Variants in EXD3 observed in about 807,000 individuals in gnomAD.
EXD3 encodes exonuclease 3'-5' domain containing 3, also known as exonuclease mut-7 homolog.
Under a neutral mutation model 98.0 loss-of-function variants are expected in EXD3, and 92 were observed. That is an observed-to-expected ratio of 0.94 (90% CI 0.79 to 1.12). The LOEUF is 1.12. Among genes scored for constraint, EXD3 ranks in the 50% most tolerant of loss-of-function variants. The pLI, the probability that EXD3 is intolerant of heterozygous loss-of-function variation, is 0.00. For missense variants in EXD3, 1,222 were observed against 1,191.6 expected, an observed-to-expected ratio of 1.03 and a Z score of -0.38; for synonymous variants, 569 against 526.0, an observed-to-expected ratio of 1.08 and a Z score of -1.12.
rs1375967904 is a variant in EXD3, at chr9:137,403,940, G to C, written c.-47-8536C>G. Among the ~76,000 whole-genome samples the C allele has an allele frequency of 6.6e-6, 1 of 152,046 alleles. No homozygotes were observed. Among genetic ancestry groups the C allele is most frequent in the African/African-American group, 2.4e-5 (1 of 41,394 alleles). On this transcript the variant is annotated intron_variant, in intron 1 of 21. Coordinates refer to ENST00000340951, the MANE Select transcript of EXD3 (RefSeq NM_017820.5). The surrounding 1 kb of genome is among the most constrained non-coding windows in gnomAD (Gnocchi z 6.1). ...GCATAGACCCCGAAGGATGTGGAGT[G>C]TCCTCCAGGGCCGTACAAAGCACCA...
At chr9:137,311,561 G>A (rs554957963) in intron 19 of EXD3, among the ~76,000 whole-genome samples, 5 of 152,352 alleles carry the variant, frequency 3.3e-5, no homozygotes, top group East Asian at 1.9e-4. Flanking sequence ...CAGCCAGCTC[G>A]TGCTGAGTCA....
At chr9:137,373,202 C>T in intron 4 of EXD3, 130 bp from the exon 5 acceptor site, 2 of 1,232,400 alleles carry the variant, frequency 1.6e-6, no homozygotes, top group Non-Finnish European at 1.1e-6. Flanking sequence ...GGGTGGTCTG[C>T]AGGGCTGGGG....
chr9:137,328,662 CT>C (rs1588263400), intron 17 of EXD3, among the ~76,000 whole-genome samples: 1 of 50,832 alleles, frequency 2.0e-5, no homozygotes, highest in Admixed American at 1.9e-4. Flanking sequence ...CTACACGGGA[CT>C]ACACGGGACT....
At chr9:137,420,127 T>C (rs1311230155) in intron 1 of EXD3, among the ~76,000 whole-genome samples, 1 of 151,560 alleles carries the variant, frequency 6.6e-6, no homozygotes, top group Non-Finnish European at 1.5e-5. Context: ...ACCACTGCAC[T>C]CCAGCCTGGG....
chr9:137,312,889 C>CACCAG (rs1331091283), intron 19 of EXD3, among the ~76,000 whole-genome samples: 1 of 152,136 alleles, frequency 6.6e-6, no homozygotes, highest in Non-Finnish European at 1.5e-5. Context: ...TCTGTGTGCC[C>CACCAG]ACCTGACCTG....
At chr9:137,323,886 G>T (rs1437546506) in intron 18 of EXD3, 30 bp from the exon 19 acceptor site, 2 of 1,586,134 alleles carry the variant, frequency 1.3e-6, no homozygotes, top group Non-Finnish European at 1.7e-6. Flanking sequence ...CTACTGAGGG[G>T]CAGTGCAGAG....
chr9:137,334,055 G>T (rs1833233689), intron 17 of EXD3, among the ~76,000 whole-genome samples: 1 of 151,780 alleles, frequency 6.6e-6, no homozygotes, highest in Non-Finnish European at 1.5e-5. Flanking sequence ...AGGCTGGAGT[G>T]CAGTGGCGTG....
intron 7 of EXD3, chr9:137,365,964 G>A (rs976995791): frequency 2.8e-5 from 14 of 495,662 alleles, no homozygotes; most frequent in African/African-American, 1.2e-4. Flanking sequence ...CACATATCAC[G>A]TGCACACACA....
chr9:137,410,108 G>A (rs539385921), intron 1 of EXD3, among the ~76,000 whole-genome samples: 2 of 152,234 alleles, frequency 1.3e-5, no homozygotes, highest in Non-Finnish European at 2.9e-5. Context: ...CCTGGGAGAT[G>A]AAGGTTGCAG....
intron 2 of EXD3, chr9:137,392,895 G>A (rs558634005): frequency 3.1e-4 from 168 of 534,690 alleles, no homozygotes; most frequent in Non-Finnish European, 4.9e-4. Context: ...GTGTTCCAGC[G>A]GGCACCATGT....
At position 137,349,133 on chromosome 9, in the gene EXD3, ACGCTT is replaced by A; in HGVS notation, c.1802_1806del (p.Lys601IlefsTer17). Reference sequence around the variant, plus strand: ...ACCTGCCTGGGTGCGGCCGGTGCTGACGCTTTCTGCAGGCCGGGTGGCTTCCGTGC... The same window carrying A: ...ACCTGCCTGGGTGCGGCCGGTGCTGATCTGCAGGCCGGGTGGCTTCCGTGC... On this transcript the variant is annotated frameshift_variant, in exon 16 of 22. Coordinates refer to ENST00000340951, the MANE Select transcript of EXD3 (RefSeq NM_017820.5). LOFTEE classifies it high-confidence loss of function. The surrounding 1 kb of genome is among the most constrained non-coding windows in gnomAD (Gnocchi z 7.4). 1 of 1,599,114 alleles carries A rather than the reference ACGCTT, an allele frequency of 6.3e-7. No homozygotes were observed. The highest frequency in any genetic ancestry group is 8.5e-7 in the Non-Finnish European group (1 of 1,178,530).
chr9:137,404,559 A>C (rs1049061064), intron 1 of EXD3, among the ~76,000 whole-genome samples: 15 of 152,070 alleles, frequency 9.9e-5, no homozygotes. Context: ...AAAATCATGC[A>C]AAAAAAATCA....
At chr9:137,376,690 G>A (rs565949319) in intron 3 of EXD3, among the ~76,000 whole-genome samples, 2 of 152,242 alleles carry the variant, frequency 1.3e-5, no homozygotes, top group African/African-American at 4.8e-5. Flanking sequence ...AGCACTTTGG[G>A]AGGCCAAGGT....
rs760247028 is a variant in EXD3 at position 137,306,977 on chromosome 9, G to A, written c.2604C>T (p.Ala868=). The change falls in exon 22 of 22, where the codon GCC becomes GCT. Residue 868 remains alanine (A), a synonymous_variant. Transcript: ENST00000340951. Reference sequence around the variant, plus strand: ...AGAAGGGACTGCTGGCCGGGCTGGGGGCTGGGCTCGGCTCGCAGGGGCTGG... The same window carrying A: ...AGAAGGGACTGCTGGCCGGGCTGGGAGCTGGGCTCGGCTCGCAGGGGCTGG... ...SAPSPCEPSP[A]PSPASSPF 1 of 1,597,054 alleles carries A rather than the reference G, an allele frequency of 6.3e-7. No individual in the cohort carries two copies. Among genetic ancestry groups the A allele is most frequent in the Non-Finnish European group, 8.5e-7 (1 of 1,170,690 alleles).
rs976654670 is a variant in EXD3 at position 137,377,653 on chromosome 9, G to A, written c.121-4054C>T. On this transcript the variant is annotated intron_variant, in intron 3 of 21. Coordinates refer to ENST00000340951, the MANE Select transcript of EXD3 (RefSeq NM_017820.5). ...GGAGAATCGCTTGAACCTGGGAGGC[G>A]GAGGTTGCAGTGAGCTGAGATTGCG... 1.8e-4 allele frequency among the ~76,000 whole-genome samples: 26 copies of A among 148,222 alleles called. No individual in the cohort carries two copies. In the East Asian group the frequency reaches 3.0e-3, roughly 17 times the overall value.
intron 17 of EXD3, among the ~76,000 whole-genome samples, chr9:137,345,081 C>G (rs1466868575): frequency 6.6e-6 from 1 of 152,244 alleles, no homozygotes; most frequent in African/African-American, 2.4e-5. Flanking sequence ...CCAGGTTCAC[C>G]TGACAAAGTC....
intron 10 of EXD3, 31 bp downstream of exon 10, chr9:137,354,308 T>A (rs753702309): frequency 1.9e-6 from 3 of 1,610,770 alleles, no homozygotes; most frequent in African/African-American, 2.7e-5. Flanking sequence ...CAGGCCGCCC[T>A]GCCGGCTTAC....
chr9:137,390,663 G>A (rs538392358), intron 2 of EXD3, among the ~76,000 whole-genome samples: 171 of 152,230 alleles, frequency 1.1e-3, no homozygotes, highest in African/African-American at 3.9e-3. Context: ...GTGGAAGGGC[G>A]TTTTCACGGT....
At chr9:137,377,488 C>A (rs1438433789) in intron 3 of EXD3, among the ~76,000 whole-genome samples, 1 of 148,904 alleles carries the variant, frequency 6.7e-6, no homozygotes, top group African/African-American at 2.5e-5. Flanking sequence ...CAAAAAGGAC[C>A]TAAGGCTGGG....
Sources: gnomAD v4.1 joint callset for allele counts (sites outside exome capture counted in the v4.1 genomes callset) on GRCh38, gnomAD v4.1.1 for gene constraint, Gnocchi (gnomAD v3.1) non-coding constraint, MANE v1.5 for transcripts, NCBI Gene and HGNC (gene_info 2026-07-23, HGNC 2026-07-21) for gene names.